The following CD274 variants were observed in gnomAD, a reference collection of about 807,000 sequenced individuals.
CD274 encodes CD274 molecule.
A neutral mutation model predicts 30.1 loss-of-function variants in CD274; 8 were observed. The observed-to-expected ratio is 0.27, with a 90% CI of 0.16 to 0.48. CD274 has a LOEUF of 0.48. Ranked by LOEUF, CD274 falls within the 20% of genes least tolerant of loss-of-function variation. The pLI is 0.99. For missense variants in CD274, 353 were observed against 346.6 expected (o/e 1.02, Z -0.15); for synonymous variants, 152 against 124.6 (o/e 1.22, Z -1.46).
intron 2 of CD274, 94 bp from the exon 3 acceptor site, chr9:5,456,985 C>CA: frequency 1.3e-6 from 1 of 796,474 alleles, no homozygotes; most frequent in Non-Finnish European, 2.0e-6. Flanking sequence ...ATAACATAAC[C>CA]GACCAGATAA....
At chr9:5,465,427 C>A in intron 4 of CD274, 72 bp from the exon 5 acceptor site, 1 of 844,896 alleles carries the variant, frequency 1.2e-6, no homozygotes, top group Non-Finnish European at 2.0e-6. Context: ...TCAAGGATGA[C>A]CATTCTCCTG....
Position 5,468,097 on chromosome 9 carries a change from G to A in CD274, c.*235G>A, listed in dbSNP as rs1191832919. 3 of 549,682 alleles carry A rather than the reference G, an allele frequency of 5.5e-6. No homozygotes were observed. Among genetic ancestry groups the A allele is most frequent in the African/African-American group, 3.8e-5 (2 of 52,622 alleles). 34.1% of individuals were successfully genotyped at this position (549,682 alleles called of 1,614,324 possible). Reference sequence around the variant, plus strand: ...ACCTTGATACTTTCAAATGCCTGAGGGGCTCATCGACGCCTGTGACAGGGA... The same window carrying A: ...ACCTTGATACTTTCAAATGCCTGAGAGGCTCATCGACGCCTGTGACAGGGA... On this transcript the variant is annotated 3_prime_UTR_variant, in exon 7 of 7. Transcript: ENST00000381577.
At position 5,467,992 on chromosome 9, in the gene CD274, C is replaced by G; in HGVS notation, c.*130C>G. The G allele has an allele frequency of 1.3e-6, 1 of 777,526 alleles. No individual in the cohort carries two copies. Among genetic ancestry groups the G allele is most frequent in the Non-Finnish European group, 2.2e-6 (1 of 447,820 alleles). The allele number at this position is 777,526 out of a possible 1,614,324, so 48.2% of individuals were successfully genotyped here. A position where few individuals can be genotyped will look rare whatever the true frequency, so the allele number is the denominator to read the frequency against. On this transcript the variant is annotated 3_prime_UTR_variant, in exon 7 of 7. Transcript: ENST00000381577. ...CAGGCAATGTGGGACTTAAAAGGCC[C>G]AAGCACTGAAAATGGAACCTGGCGA...
chr9:5,462,728 T>G, intron 3 of CD274, 106 bp from the exon 4 acceptor site: 2 of 1,062,936 alleles, frequency 1.9e-6, no homozygotes, highest in Non-Finnish European at 2.7e-6. Flanking sequence ...CATATCCCTC[T>G]GAGAACCAGC....
intron 3 of CD274, among the ~76,000 whole-genome samples, chr9:5,458,479 T>C (rs911858667): frequency 6.6e-6 from 1 of 152,240 alleles, no homozygotes; most frequent in Admixed American, 6.5e-5. Flanking sequence ...GATGACCTTT[T>C]AATATTTGAC....
At chr9:5,463,790 G>T (rs1284735037) in intron 4 of CD274, among the ~76,000 whole-genome samples, 1 of 152,138 alleles carries the variant, frequency 6.6e-6, no homozygotes, top group Non-Finnish European at 1.5e-5. Flanking sequence ...CTTATTGTAA[G>T]GGTCAGATTA....
At chr9:5,465,663 G>T in intron 5 of CD274, 57 bp downstream of exon 5, 2 of 1,063,528 alleles carry the variant, frequency 1.9e-6, no homozygotes, top group South Asian at 2.5e-5. Context: ...GGTGAGAATT[G>T]GATCATGGCT....
rs1229351619 is a variant in CD274 at position 5,468,520 on chromosome 9, A to C, written c.*658A>C. ...ATAACTACAAGTATACATTGGAAGC[A>C]TAAAGATCAAACCGTTGGTTGCATA... On this transcript the variant is annotated 3_prime_UTR_variant, in exon 7 of 7. Coordinates refer to ENST00000381577, the MANE Select transcript of CD274 (RefSeq NM_014143.4). The C allele has an allele frequency of 4.3e-6, 1 of 232,964 alleles. No homozygotes were observed. The highest frequency in any genetic ancestry group is 6.0e-5 in the East Asian group (1 of 16,564). The allele number at this position is 232,964 out of a possible 1,614,324, so 14.4% of individuals were successfully genotyped here. A position where few individuals can be genotyped will look rare whatever the true frequency, so the allele number is the denominator to read the frequency against.
intron 1 of CD274, among the ~76,000 whole-genome samples, chr9:5,454,482 C>G (rs958009543): frequency 2.0e-5 from 3 of 151,952 alleles, no homozygotes; most frequent in African/African-American, 7.3e-5. Context: ...TATGTGTTTA[C>G]AAAATCAGTA....
chr9:5,467,784 T>A (rs1364923598), intron 6 of CD274, 56 bp from the exon 7 acceptor site: 2 of 1,371,748 alleles, frequency 1.5e-6, no homozygotes, highest in Non-Finnish European at 2.1e-6. Flanking sequence ...AGATTTCTTG[T>A]TACTTTTTCC....
At chr9:5,462,731 G>T in intron 3 of CD274, 103 bp from the exon 4 acceptor site, 1 of 1,092,606 alleles carries the variant, frequency 9.2e-7, no homozygotes, top group South Asian at 1.5e-5. Flanking sequence ...ATCCCTCTGA[G>T]AACCAGCCTG....
intron 1 of CD274, among the ~76,000 whole-genome samples, chr9:5,454,413 CT>C (rs201772889): frequency 5.3e-4 from 79 of 149,748 alleles, no homozygotes; most frequent in African/African-American, 2.5e-4. Context: ...CACACACACA[CT>C]TTTTTTTTTC....
At position 5,468,477 on chromosome 9, in the gene CD274, A is replaced by C. The variant is rs1819533942; in HGVS notation, c.*615A>C. The C allele has an allele frequency of 4.3e-6, 1 of 233,148 alleles. No homozygotes were observed. Among genetic ancestry groups the C allele is most frequent in the Admixed American group, 5.6e-5 (1 of 17,796 alleles). The allele number at this position is 233,148 out of a possible 1,614,324, so 14.4% of individuals were successfully genotyped here. ...TCTAGTAAAACATGGAGTATTTGTA[A>C]GGTGCTTGGTCTCCTCTATAACTAC... On this transcript the variant is annotated 3_prime_UTR_variant, in exon 7 of 7. Transcript: ENST00000381577.
At chr9:5,467,583 C>G (rs772274424) in intron 6 of CD274, among the ~76,000 whole-genome samples, 1 of 152,128 alleles carries the variant, frequency 6.6e-6, no homozygotes, top group Non-Finnish European at 1.5e-5. Context: ...ATAGCATCAT[C>G]TGTGTTGTAA....
rs1371711177 is a variant in CD274 at position 5,468,998 on chromosome 9, A to G, written c.*1136A>G. 4.3e-6 allele frequency: 1 copy of G among 233,048 alleles called. No homozygotes were observed. The highest frequency in any genetic ancestry group is 8.5e-6 in the Non-Finnish European group (1 of 117,962). 14.4% of individuals were successfully genotyped at this position (233,048 alleles called of 1,614,324 possible). A position where few individuals can be genotyped will look rare whatever the true frequency, so the allele number is the denominator to read the frequency against. On this transcript the variant is annotated 3_prime_UTR_variant, in exon 7 of 7. Transcript: ENST00000381577. ...GAGATTAACAAGAAAATGTATTATT[A>G]CAATTTAGTCCAGTGTCATAGCATA...
At position 5,468,031 on chromosome 9, in the gene CD274, G is replaced by T. The variant is rs1819526477; in HGVS notation, c.*169G>T. 2 of 639,810 alleles carry T rather than the reference G, an allele frequency of 3.1e-6. No individual in the cohort carries two copies. Among genetic ancestry groups the T allele is most frequent in the Non-Finnish European group, 5.7e-6 (2 of 353,598 alleles). 39.6% of individuals were successfully genotyped at this position (639,810 alleles called of 1,614,324 possible). On this transcript the variant is annotated 3_prime_UTR_variant, in exon 7 of 7. Transcript: ENST00000381577. ...GGAACCTGGCGAAAGCAGAGGAGGA[G>T]AATGAAGAAAGATGGAGTCAAACAG...
chr9:5,465,683 C>A, intron 5 of CD274, 77 bp downstream of exon 5: 1 of 849,122 alleles, frequency 1.2e-6, no homozygotes, highest in Non-Finnish European at 2.0e-6. Context: ...TGCAAGGAAA[C>A]CCGACTTAAC....
At chr9:5,457,488 C>T in intron 3 of CD274, 68 bp downstream of exon 3, 1 of 1,279,538 alleles carries the variant, frequency 7.8e-7, no homozygotes, top group Middle Eastern at 1.9e-4. Context: ...GAAGACTTTT[C>T]ATTCTTGTAA....
rs1159853990 is a variant in CD274 at position 5,467,956 on chromosome 9, C to T, written c.*94C>T. 32 of 1,035,620 alleles carry T rather than the reference C, an allele frequency of 3.1e-5. No homozygotes were observed. Among genetic ancestry groups the T allele is most frequent in the Admixed American group, 1.1e-4 (6 of 56,782 alleles). The allele number at this position is 1,035,620 out of a possible 1,614,324, so 64.2% of individuals were successfully genotyped here. ...GAGCGTGACAAGAGGAAGGAATGGG[C>T]CCGTGGGATGCAGGCAATGTGGGAC... On this transcript the variant is annotated 3_prime_UTR_variant, in exon 7 of 7. Coordinates refer to ENST00000381577, the MANE Select transcript of CD274 (RefSeq NM_014143.4).
Sources: allele counts gnomAD v4.1 joint callset (sites outside exome capture counted in the v4.1 genomes callset), GRCh38; gene constraint gnomAD v4.1.1; transcripts MANE v1.5; gene names NCBI Gene and HGNC (gene_info 2026-07-23, HGNC 2026-07-21).